The following BRINP2 variants were observed in gnomAD, a reference collection of about 807,000 sequenced individuals.
BRINP2 encodes the protein BMP/retinoic acid inducible neural specific 2.
BRINP2 carries 21 observed loss-of-function variants against 69.2 expected under a neutral mutation model. The ratio of observed to expected loss-of-function variants is 0.30; its 90% CI spans 0.22 to 0.44. BRINP2 has a LOEUF of 0.44. Ranked by LOEUF, BRINP2 falls within the 20% of genes least tolerant of loss-of-function variation. BRINP2 has a pLI of 1.00. For synonymous variants in BRINP2, 380 were observed against 394.1 expected, an observed-to-expected ratio of 0.96 and a Z score of 0.42; for missense variants, 877 against 986.0, an observed-to-expected ratio of 0.89 and a Z score of 1.48.
Position 177,260,593 on chromosome 1 carries a change from C to A in BRINP2, c.669+3209C>A, listed in dbSNP as rs183720367. On this transcript the variant is annotated intron_variant, in intron 4 of 7. Coordinates refer to ENST00000361539, the MANE Select transcript of BRINP2 (RefSeq NM_021165.4). ...ATTGTTGTCTTAGTTTAAGGAATTG[C>A]CACAGCCACCCCAACCTTCAGCAAC... Among the ~76,000 whole-genome samples, 21 of 152,236 alleles carry A rather than the reference C, an allele frequency of 1.4e-4. No homozygotes were observed. In the East Asian group the frequency reaches 3.9e-3, roughly 28 times the overall value.
At position 177,257,036 on chromosome 1, in the gene BRINP2, A is replaced by G. The variant is rs112933188; in HGVS notation, c.461-140A>G. ...CTGATGAGCTTCTTCTAAAGATGGTAAGGGCTGGGGGAAGAGCTTGGCAGC... is the reference window on the plus strand; with the variant it reads ...CTGATGAGCTTCTTCTAAAGATGGTGAGGGCTGGGGGAAGAGCTTGGCAGC... On this transcript the variant is annotated intron_variant, in intron 3 of 7. Transcript: ENST00000361539. 1.9e-6 allele frequency: 3 copies of G among 1,543,016 alleles called. No homozygotes were observed. The African/African-American group carries it at 4.1e-5, about 21-fold the overall frequency.
At chr1:177,173,996 T>C (rs1018572168) in intron 1 of BRINP2, among the ~76,000 whole-genome samples, 1 of 152,214 alleles carries the variant, frequency 6.6e-6, no homozygotes, top group Admixed American at 6.5e-5. Context: ...ATACATTTTA[T>C]AATGGCATCC....
chr1:177,272,360 A>C (rs1414619123), intron 4 of BRINP2, among the ~76,000 whole-genome samples: 2 of 152,214 alleles, frequency 1.3e-5, no homozygotes, highest in Non-Finnish European at 1.5e-5. Flanking sequence ...ACATTGTTGC[A>C]CACACCTCCC....
intron 1 of BRINP2, among the ~76,000 whole-genome samples, chr1:177,206,050 G>A (rs1191649198): frequency 1.3e-5 from 2 of 152,214 alleles, no homozygotes; most frequent in African/African-American, 4.8e-5. Context: ...CAGATTCTGT[G>A]AGACGTGAGA....
At chr1:177,196,912 C>T (rs979821232) in intron 1 of BRINP2, among the ~76,000 whole-genome samples, 1 of 152,100 alleles carries the variant, frequency 6.6e-6, no homozygotes, top group African/African-American at 2.4e-5. Flanking sequence ...TCCTTCCATC[C>T]TGCTATGAAC....
rs143467240 is a variant in BRINP2, at chr1:177,183,155, T to C, written c.-77+11423T>C. On this transcript the variant is annotated intron_variant, in intron 1 of 7. Coordinates refer to ENST00000361539, the MANE Select transcript of BRINP2 (RefSeq NM_021165.4). ...GTGTGAGCTTTTTTTTTTTTTTTTTTTTTTTTTCTTTTTCTGCTTCGTTTC... is the reference window on the plus strand; with the variant it reads ...GTGTGAGCTTTTTTTTTTTTTTTTTCTTTTTTTCTTTTTCTGCTTCGTTTC... 3.8e-3 allele frequency among the ~76,000 whole-genome samples: 552 copies of C among 145,666 alleles called. 8 individuals carry two copies. Among genetic ancestry groups the C allele is most frequent in the African/African-American group, 0.013 (528 of 39,862 alleles).
At chr1:177,260,930 T>C (rs954705006) in intron 4 of BRINP2, among the ~76,000 whole-genome samples, 2 of 152,118 alleles carry the variant, frequency 1.3e-5, no homozygotes, top group African/African-American at 4.8e-5. Context: ...GGTACACCTG[T>C]ATAATGCCAG....
At chr1:177,199,784 T>C (rs1250903939) in intron 1 of BRINP2, among the ~76,000 whole-genome samples, 1 of 152,220 alleles carries the variant, frequency 6.6e-6, no homozygotes, top group Admixed American at 6.5e-5. Flanking sequence ...CACTCAGTTA[T>C]AGAATATAGC....
intron 1 of BRINP2, among the ~76,000 whole-genome samples, chr1:177,205,866 C>T (rs1433864839): frequency 1.1e-4 from 16 of 152,206 alleles, no homozygotes; most frequent in Admixed American, 5.9e-4. Context: ...CTTCAATACT[C>T]GTTAGTTCCT....
chr1:177,200,293 C>CAA (rs35619503), intron 1 of BRINP2, among the ~76,000 whole-genome samples: 2,650 of 34,744 alleles, frequency 0.076, 607 homozygotes, highest in Non-Finnish European at 0.12. Context: ...AACTCTGTCT[C>CAA]AAAAAAAAAA....
intron 7 of BRINP2, among the ~76,000 whole-genome samples, 183 bp downstream of exon 7, chr1:177,278,968 G>C (rs1651603884): frequency 6.6e-6 from 1 of 152,120 alleles, no homozygotes; most frequent in South Asian, 2.1e-4. Flanking sequence ...AAGTGAGAGA[G>C]AGAAAAAAAG....
At chr1:177,212,425 G>T (rs958871433) in intron 1 of BRINP2, among the ~76,000 whole-genome samples, 12 of 151,914 alleles carry the variant, frequency 7.9e-5, no homozygotes, top group African/African-American at 2.7e-4. Context: ...GGCACCTGTA[G>T]TCCCAGCTAC....
intron 2 of BRINP2, among the ~76,000 whole-genome samples, chr1:177,247,284 T>C (rs1440564475): frequency 6.6e-6 from 1 of 152,200 alleles, no homozygotes; most frequent in African/African-American, 2.4e-5. Context: ...CTCTGTCCAG[T>C]TGGCAAGTCT....
rs551866369 is a variant in BRINP2 at position 177,247,630 on chromosome 1, G to A, written c.270-8289G>A. Among the ~76,000 whole-genome samples the A allele has an allele frequency of 2.6e-5, 4 of 152,352 alleles. No homozygotes were observed. The South Asian group carries it at 8.3e-4, about 32-fold the overall frequency. ...TCCTTTTGAGCACTAAAAGTTGGAG[G>A]GGGTGCCCCCAAAAGATAGATCATT... is the stretch of plus-strand genomic sequence containing the variant. On this transcript the variant is annotated intron_variant, in intron 2 of 7. Transcript: ENST00000361539.
chr1:177,227,053 T>C (rs938275241), intron 1 of BRINP2, among the ~76,000 whole-genome samples: 35 of 152,230 alleles, frequency 2.3e-4, no homozygotes, highest in African/African-American at 8.0e-4. Flanking sequence ...GGACTTTCAA[T>C]GCACTCTGCA....
chr1:177,235,282 C>G (rs920221359), intron 2 of BRINP2, among the ~76,000 whole-genome samples: 8 of 151,940 alleles, frequency 5.3e-5, no homozygotes, highest in Non-Finnish European at 8.8e-5. Context: ...GAGATGGAGA[C>G]GGGAGCAAAA....
intron 1 of BRINP2, among the ~76,000 whole-genome samples, chr1:177,220,150 G>A (rs1649482621): frequency 6.6e-6 from 1 of 152,216 alleles, no homozygotes; most frequent in South Asian, 2.1e-4. Flanking sequence ...GTGCAGTCCA[G>A]AAGCAGGTAA....
chr1:177,191,073 G>A (rs778451990), intron 1 of BRINP2, among the ~76,000 whole-genome samples: 3 of 152,120 alleles, frequency 2.0e-5, no homozygotes, highest in Non-Finnish European at 4.4e-5. Context: ...TCCAGAGAGC[G>A]TTGTCCTTCC....
intron 2 of BRINP2, among the ~76,000 whole-genome samples, chr1:177,254,822 G>C (rs1002620799): frequency 3.3e-5 from 5 of 152,136 alleles, no homozygotes; most frequent in African/African-American, 1.2e-4. Context: ...TCATGAACTT[G>C]ACATTTTCCT....
Sources: gnomAD v4.1 joint callset for allele counts (sites outside exome capture counted in the v4.1 genomes callset) on GRCh38, gnomAD v4.1.1 for gene constraint, MANE v1.5 for transcripts, NCBI Gene and HGNC (gene_info 2026-07-23, HGNC 2026-07-21) for gene names.